Variants in TMEM67 observed in about 807,000 individuals in gnomAD.
TMEM67 encodes the protein transmembrane protein 67.
TMEM67 carries 124 observed loss-of-function variants against 136.6 expected under a neutral mutation model. That is an observed-to-expected ratio of 0.91 (90% CI 0.78 to 1.05). TMEM67 has a LOEUF of 1.05. Ranked by LOEUF, TMEM67 falls within the 50% of genes least tolerant of loss-of-function variation. The probability of loss-of-function intolerance (pLI) is 0.00; values close to 1 mark genes in which losing one functional copy is unlikely to be tolerated. For missense variants in TMEM67, 1,107 were observed against 1,178.4 expected (o/e 0.94, Z 0.89); for synonymous variants, 364 against 390.5 (o/e 0.93, Z 0.80).
At chr8:93,811,539 AT>A (rs917424839) in intron 26 of TMEM67, among the ~76,000 whole-genome samples, 1 of 151,776 alleles carries the variant, frequency 6.6e-6, no homozygotes, top group Non-Finnish European at 1.5e-5. Context: ...TCCAAAAAAA[AT>A]TTTTTTTTAT....
At chr8:93,808,518 TTATAATCTATATATATC>T (rs1425457670) in intron 23 of TMEM67, among the ~76,000 whole-genome samples, 1 of 140,016 alleles carries the variant, frequency 7.1e-6, no homozygotes. Flanking sequence ...ATATATATAT[TTATAATCTATATATATC>T]TATAATCTAT....
chr8:93,792,233 G>A (rs927121636), intron 15 of TMEM67, among the ~76,000 whole-genome samples: 2 of 151,468 alleles, frequency 1.3e-5, no homozygotes, highest in Non-Finnish European at 1.5e-5. Context: ...GTGCAGTGGC[G>A]CTATCTCGGC....
Position 93,817,415 on chromosome 8 carries a change from T to G in TMEM67, c.*963T>G, listed in dbSNP as rs1021854369. On this transcript the variant is annotated 3_prime_UTR_variant, in exon 28 of 28. Transcript: ENST00000453321. Reference sequence around the variant, plus strand: ...ATGTGGTGGCCTGTAATCCCAGCTATTTGGGAGGCTGAGGCATGAGAATAG... The same window carrying G: ...ATGTGGTGGCCTGTAATCCCAGCTAGTTGGGAGGCTGAGGCATGAGAATAG... 7.2e-5 allele frequency: 11 copies of G among 152,128 alleles called. No individual in the cohort carries two copies. Among genetic ancestry groups the G allele is most frequent in the African/African-American group, 2.4e-4 (10 of 41,420 alleles). The allele number at this position is 152,128 out of a possible 1,614,324, so 9.4% of individuals were successfully genotyped here.
At chr8:93,760,874 T>A (rs1812797333) in intron 3 of TMEM67, among the ~76,000 whole-genome samples, 1 of 152,122 alleles carries the variant, frequency 6.6e-6, no homozygotes, top group Non-Finnish European at 1.5e-5. Flanking sequence ...ACCCAATTTT[T>A]AAAATAGCCA....
chr8:93,757,599 G>C (rs1812636383), intron 2 of TMEM67, among the ~76,000 whole-genome samples: 1 of 150,088 alleles, frequency 6.7e-6, no homozygotes, highest in Admixed American at 6.6e-5. Context: ...TTGTGCCACT[G>C]CACTCCAGCC....
At position 93,795,395 on chromosome 8, in the gene TMEM67, T is replaced by C. The variant is rs758605589; in HGVS notation, c.1675-14T>C. ...GAGTCTTAAACAGCTGTAATTCTTT[T>C]TTTTAAATTGCAGACAGTTGTGAAA... On this transcript the variant is annotated splice_polypyrimidine_tract_variant and intron_variant, in intron 16 of 27. Transcript: ENST00000453321. 1 of 1,610,430 alleles carries C rather than the reference T, an allele frequency of 6.2e-7. No homozygotes were observed. The highest frequency in any genetic ancestry group is 1.7e-5 in the Admixed American group (1 of 60,010).
At chr8:93,779,912 TCAGA>T (rs1813735392) in intron 7 of TMEM67, among the ~76,000 whole-genome samples, 1 of 152,194 alleles carries the variant, frequency 6.6e-6, no homozygotes, top group South Asian at 2.1e-4. Context: ...TTCAGAGCTG[TCAGA>T]CAGGGATGTT....
the TMEM67 span, among the ~76,000 whole-genome samples, chr8:93,825,560 T>C: frequency 1.3e-5 from 2 of 152,304 alleles, no homozygotes; most frequent in East Asian, 3.9e-4. Flanking sequence ...TGAAGCATAA[T>C]AGAAGGAACT....
Position 93,756,178 on chromosome 8 carries a change from G to T in TMEM67, c.312+312G>T, listed in dbSNP as rs530926974. 3 of 225,974 alleles carry T rather than the reference G, an allele frequency of 1.3e-5. No individual in the cohort carries two copies. The East Asian group carries it at 3.5e-4, about 26-fold the overall frequency. The allele number at this position is 225,974 out of a possible 1,614,324, so 14.0% of individuals were successfully genotyped here. A position where few individuals can be genotyped will look rare whatever the true frequency, so the allele number is the denominator to read the frequency against. On this transcript the variant is annotated intron_variant, in intron 2 of 27. Coordinates refer to ENST00000453321, the MANE Select transcript of TMEM67 (RefSeq NM_153704.6). Reference sequence around the variant, plus strand: ...AGATGAATAAGGCATATATAGAGCAGTCTGGGATGTGTGCAATTTGGGATG... The same window carrying T: ...AGATGAATAAGGCATATATAGAGCATTCTGGGATGTGTGCAATTTGGGATG...
chr8:93,818,550 A>G (rs900125583), downstream of TMEM67, among the ~76,000 whole-genome samples: 1 of 152,138 alleles, frequency 6.6e-6, no homozygotes, highest in Non-Finnish European at 1.5e-5. Flanking sequence ...TTTTTTGTAA[A>G]TATTGACAAA....
intron 7 of TMEM67, among the ~76,000 whole-genome samples, chr8:93,780,085 G>T (rs1813743150): frequency 6.6e-6 from 1 of 152,048 alleles, no homozygotes; most frequent in African/African-American, 2.4e-5. Flanking sequence ...AGCAATGGCA[G>T]ACACCCCTCC....
chr8:93,829,741 C>T, the TMEM67 span, among the ~76,000 whole-genome samples: 4 of 152,072 alleles, frequency 2.6e-5, no homozygotes, highest in East Asian at 1.9e-4. Flanking sequence ...CCCTTCTCTC[C>T]GTGGTATTTT....
At chr8:93,818,819 A>G (rs753294494), downstream of TMEM67, among the ~76,000 whole-genome samples, 6 of 151,980 alleles carry the variant, frequency 3.9e-5, no homozygotes, top group Non-Finnish European at 7.4e-5. Context: ...ACAGAGAGAG[A>G]GAGATGGGGT....
At chr8:93,826,319 C>T in the TMEM67 span, among the ~76,000 whole-genome samples, 50 of 151,526 alleles carry the variant, frequency 3.3e-4, no homozygotes, top group African/African-American at 1.1e-3. Flanking sequence ...TTAGTAGAGA[C>T]GGGGTTTCAC....
At chr8:93,809,914 T>A (rs777537460) in intron 26 of TMEM67, 27 bp downstream of exon 26, 2 of 1,381,802 alleles carry the variant, frequency 1.4e-6, no homozygotes, top group Non-Finnish European at 1.0e-6. Flanking sequence ...TTTGTAGAAC[T>A]TGATAACTGT....
intron 4 of TMEM67, among the ~76,000 whole-genome samples, chr8:93,765,114 T>C (rs534704351): frequency 6.6e-6 from 1 of 152,212 alleles, no homozygotes; most frequent in East Asian, 1.9e-4. Flanking sequence ...TGTTGCTCTC[T>C]TGTTAGTTGA....
Position 93,754,989 on chromosome 8 carries a change from C to A in TMEM67, c.75C>A (p.Phe25Leu), listed in dbSNP as rs371462532. 1 of 1,614,202 alleles carries A rather than the reference C, an allele frequency of 6.2e-7. No homozygotes were observed. The highest frequency in any genetic ancestry group is 8.5e-7 in the Non-Finnish European group (1 of 1,180,026). Reference sequence around the variant, plus strand: ...TATCCGCCCGGGCCGTGACCGCGTTCCTTCTGTTGTTCCTCCCTCGCTTCT... The same window carrying A: ...TATCCGCCCGGGCCGTGACCGCGTTACTTCTGTTGTTCCTCCCTCGCTTCT... Reference protein sequence around the residue: ...SLLSARAVTAFLLLFLPRFLQ... With the variant: ...SLLSARAVTALLLLFLPRFLQ... Residue 25 changes from phenylalanine to leucine, a missense_variant, in exon 1 of 28, where the codon TTC (phenylalanine) becomes TTA (leucine). This residue lies in a region of TMEM67 where 178 missense variants were observed against 159.2 expected (regional missense o/e 1.12). Transcript: ENST00000453321.
chr8:93,772,809 A>G (rs1813383173), intron 7 of TMEM67, among the ~76,000 whole-genome samples, 158 bp downstream of exon 7: 1 of 152,218 alleles, frequency 6.6e-6, no homozygotes, highest in Non-Finnish European at 1.5e-5. Context: ...AAGAGAATAC[A>G]TGAAGAAGAT....
At chr8:93,771,714 A>G (rs894963328) in intron 6 of TMEM67, among the ~76,000 whole-genome samples, 1 of 152,158 alleles carries the variant, frequency 6.6e-6, no homozygotes, top group Non-Finnish European at 1.5e-5. Flanking sequence ...GTGGCATTGT[A>G]TGTGGCTCCA....
Sources: allele counts gnomAD v4.1 joint callset (sites outside exome capture counted in the v4.1 genomes callset), GRCh38; gene constraint gnomAD v4.1.1; regional missense constraint gnomAD v4.1.1; transcripts MANE v1.5; gene names NCBI Gene and HGNC (gene_info 2026-07-23, HGNC 2026-07-21).